NDST1: variants seen among roughly 807,000 people sequenced by gnomAD.
NDST1 encodes the protein N-deacetylase and N-sulfotransferase 1, also known as bifunctional heparan sulfate N-deacetylase/N-sulfotransferase 1.
Under a neutral mutation model 92.8 loss-of-function variants are expected in NDST1, and 35 were observed. That is an observed-to-expected ratio of 0.38 (90% CI 0.29 to 0.50). The LOEUF (loss-of-function observed/expected upper bound fraction) is 0.50, where lower values mean the gene tolerates loss of function less well. NDST1 is among the 20% of genes least tolerant of loss of function. The pLI, the probability that NDST1 is intolerant of heterozygous loss-of-function variation, is 0.94. For missense variants in NDST1, 822 were observed against 1,182.7 expected (o/e 0.69, Z 4.47); for synonymous variants, 493 against 500.3 (o/e 0.99, Z 0.19).
intron 7 of NDST1, 125 bp from the exon 8 acceptor site, chr5:150,539,957 G>A: frequency 7.4e-7 from 1 of 1,345,792 alleles, no homozygotes; most frequent in Non-Finnish European, 1.0e-6. Context: ...GACAGCGCCA[G>A]CGTAACTTCC....
chr5:150,527,627 T>G (rs1754531973), intron 2 of NDST1, among the ~76,000 whole-genome samples, 177 bp from the exon 3 acceptor site: 1 of 152,116 alleles, frequency 6.6e-6, no homozygotes, highest in Non-Finnish European at 1.5e-5. Context: ...GGTAAGTGAG[T>G]CGTGTGTTTG....
intron 13 of NDST1, among the ~76,000 whole-genome samples, chr5:150,551,080 C>T (rs1011458640): frequency 4.6e-5 from 7 of 152,098 alleles, no homozygotes; most frequent in Non-Finnish European, 8.8e-5. Context: ...TTCTTGATGC[C>T]CTCATGCTCA....
chr5:150,532,087 T>C (rs1197565476), intron 3 of NDST1, among the ~76,000 whole-genome samples: 2 of 152,222 alleles, frequency 1.3e-5, no homozygotes, highest in Non-Finnish European at 2.9e-5. Context: ...TGGCCACCAT[T>C]TTTCATCACT....
In NDST1 at chr5:150,541,674, T is replaced by C; in HGVS notation, c.1846+8T>C. 1 of 1,613,734 alleles carries C rather than the reference T, an allele frequency of 6.2e-7. No homozygotes were observed. The highest frequency in any genetic ancestry group is 8.5e-7 in the Non-Finnish European group (1 of 1,179,612). ...TCGGCCCCCAGAAAACAGGCAGGTCTCTCTGCTCTTGACCGAGCTTCCCCA... is the reference window on the plus strand; with the variant it reads ...TCGGCCCCCAGAAAACAGGCAGGTCCCTCTGCTCTTGACCGAGCTTCCCCA... On this transcript the variant is annotated splice_region_variant and intron_variant, in intron 9 of 14. Coordinates refer to ENST00000261797, the MANE Select transcript of NDST1 (RefSeq NM_001543.5).
At chr5:150,547,239 G>A (rs1755527882) in intron 11 of NDST1, among the ~76,000 whole-genome samples, 1 of 152,244 alleles carries the variant, frequency 6.6e-6, no homozygotes, top group South Asian at 2.1e-4. Flanking sequence ...GTAAGGGATA[G>A]AAGGAGAAGG....
chr5:150,500,684 A>C (rs1041438461), intron 1 of NDST1, among the ~76,000 whole-genome samples: 1 of 152,242 alleles, frequency 6.6e-6, no homozygotes, highest in Non-Finnish European at 1.5e-5. Flanking sequence ...CCCCACAGGG[A>C]AAGCCTGGCC....
chr5:150,500,604 ACAGGT>A (rs1435440421), intron 1 of NDST1, among the ~76,000 whole-genome samples: 1 of 152,184 alleles, frequency 6.6e-6, no homozygotes, highest in Non-Finnish European at 1.5e-5. Flanking sequence ...ACATTAGGGA[ACAGGT>A]CAGGAGAGGA....
At chr5:150,511,591 C>T (rs1339524666) in intron 1 of NDST1, among the ~76,000 whole-genome samples, 1 of 152,076 alleles carries the variant, frequency 6.6e-6, no homozygotes, top group Non-Finnish European at 1.5e-5. Flanking sequence ...TCCCCAGGGG[C>T]TTACTGCAGG....
intron 6 of NDST1, among the ~76,000 whole-genome samples, chr5:150,538,676 C>G (rs1755101125): frequency 1.3e-5 from 2 of 152,138 alleles, no homozygotes; most frequent in Admixed American, 1.3e-4. Context: ...ATCAGTCCAT[C>G]CATCCATCCA....
intron 1 of NDST1, among the ~76,000 whole-genome samples, chr5:150,500,062 G>A (rs960877859): frequency 5.1e-4 from 77 of 152,146 alleles, no homozygotes; most frequent in African/African-American, 1.8e-3. Context: ...TGTCTGTCCC[G>A]TCAAGGTTTA....
intron 1 of NDST1, among the ~76,000 whole-genome samples, chr5:150,499,743 G>A (rs1753151663): frequency 6.6e-6 from 1 of 152,192 alleles, no homozygotes; most frequent in African/African-American, 2.4e-5. Flanking sequence ...GGCTTCTTAA[G>A]CTGCAGATAA....
intron 11 of NDST1, 55 bp downstream of exon 11, chr5:150,545,541 A>G (rs947037928): frequency 6.3e-6 from 10 of 1,591,876 alleles, no homozygotes; most frequent in Non-Finnish European, 7.8e-6. Context: ...TCCGTCTGAC[A>G]CTCAGTTACT....
intron 1 of NDST1, among the ~76,000 whole-genome samples, chr5:150,511,793 T>TCGGCCTCC (rs1753735087): frequency 6.6e-6 from 1 of 152,080 alleles, no homozygotes; most frequent in Non-Finnish European, 1.5e-5. Context: ...GCTTCTGGTC[T>TCGGCCTCC]CGGCCTCCCA....
chr5:150,514,837 T>G (rs1202328879), intron 1 of NDST1, among the ~76,000 whole-genome samples: 1 of 152,220 alleles, frequency 6.6e-6, no homozygotes, highest in Non-Finnish European at 1.5e-5. Flanking sequence ...CATTCATTCA[T>G]ATCCTGAGTA....
In NDST1 at chr5:150,547,108, G is replaced by T. The variant is rs374118554; in HGVS notation, c.2146-1110G>T. Among the ~76,000 whole-genome samples the T allele has an allele frequency of 1.2e-3, 181 of 152,326 alleles. 3 individuals carry two copies. The South Asian group carries it at 0.036, about 30-fold the overall frequency. On this transcript the variant is annotated intron_variant, in intron 11 of 14. Coordinates refer to ENST00000261797, the MANE Select transcript of NDST1 (RefSeq NM_001543.5). ...CTAGAAGGCAGAGGAGGGGTTTCACGTTTGTGTCCCCTTCTCAAAGATTAG... is the reference window on the plus strand; with the variant it reads ...CTAGAAGGCAGAGGAGGGGTTTCACTTTTGTGTCCCCTTCTCAAAGATTAG...
intron 1 of NDST1, among the ~76,000 whole-genome samples, chr5:150,518,150 G>A (rs1458314172): frequency 6.6e-6 from 1 of 152,100 alleles, no homozygotes; most frequent in Non-Finnish European, 1.5e-5. Flanking sequence ...CCAAGCTGTG[G>A]TATGTGCCAT....
chr5:150,527,674 G>C (rs1740922584), intron 2 of NDST1, 130 bp from the exon 3 acceptor site: 2 of 1,331,826 alleles, frequency 1.5e-6, no homozygotes, highest in African/African-American at 1.4e-5. Flanking sequence ...CGCAGGGCCA[G>C]GGTGGTGAGC....
intron 1 of NDST1, among the ~76,000 whole-genome samples, chr5:150,512,840 G>C (rs943260765): frequency 1.3e-5 from 2 of 152,216 alleles, no homozygotes; most frequent in African/African-American, 4.8e-5. Context: ...TAGTGAAACT[G>C]AGGTTCAGAG....
chr5:150,539,963 C>T, intron 7 of NDST1, 119 bp from the exon 8 acceptor site: 1 of 1,374,486 alleles, frequency 7.3e-7, no homozygotes. Context: ...GCCAGCGTAA[C>T]TTCCACTGGT....
Sources: gnomAD v4.1 joint callset for allele counts (sites outside exome capture counted in the v4.1 genomes callset) on GRCh38, gnomAD v4.1.1 for gene constraint, MANE v1.5 for transcripts, NCBI Gene and HGNC (gene_info 2026-07-23, HGNC 2026-07-21) for gene names.